STAB2: variants seen among roughly 807,000 people sequenced by gnomAD.
The protein encoded by STAB2 is stabilin-2.
In STAB2, 288 loss-of-function variants were observed where a neutral mutation model predicts 338.1. The observed-to-expected ratio is 0.85, with a 90% confidence interval of 0.77 to 0.94. STAB2 has a LOEUF of 0.94. STAB2 is among the 40% of genes least tolerant of loss of function. STAB2 has a pLI of 0.00. For missense variants in STAB2, 3,141 were observed against 3,210.1 expected, an observed-to-expected ratio of 0.98 and a Z score of 0.52; for synonymous variants, 1,202 against 1,193.3, an observed-to-expected ratio of 1.01 and a Z score of -0.15.
chr12:103,653,332 C>G (rs1037549820), intron 12 of STAB2, among the ~76,000 whole-genome samples: 3 of 152,120 alleles, frequency 2.0e-5, no homozygotes, highest in African/African-American at 7.2e-5. Flanking sequence ...TTGTTCTAAG[C>G]AAAGTATGGG....
intron 44 of STAB2, among the ~76,000 whole-genome samples, chr12:103,718,968 T>G (rs1225942359): frequency 2.6e-5 from 4 of 152,224 alleles, no homozygotes; most frequent in Admixed American, 2.6e-4. Context: ...TGTCTCCGTT[T>G]GCATGTCGAT....
intron 23 of STAB2, among the ~76,000 whole-genome samples, chr12:103,674,429 T>A (rs1876138193): frequency 1.3e-5 from 2 of 152,202 alleles, no homozygotes; most frequent in South Asian, 4.1e-4. Context: ...CAGAATCACC[T>A]AGCACCGGGG....
At chr12:103,750,786 A>C in intron 60 of STAB2, 66 bp downstream of exon 60, 1 of 1,518,966 alleles carries the variant, frequency 6.6e-7, no homozygotes, top group South Asian at 1.2e-5. Flanking sequence ...GGGACCCTCA[A>C]GGGAAAGAAG....
rs759885088 is a variant in STAB2 at position 103,695,809 on chromosome 12, G to A, written c.3547G>A (p.Glu1183Lys). Residue 1183 changes from glutamate (E) to lysine (K), a missense_variant, in exon 33 of 69, where the codon GAG becomes AAG. Glu to Lys is a moderately conservative substitution (Grantham distance 56, BLOSUM62 1). Coordinates refer to ENST00000388887, the MANE Select transcript of STAB2 (RefSeq NM_017564.10). ...GTTTGCTCCAAACAACAATGCCATCGAGAATTACATCAGGGAGAAGAAAGT... is the reference window on the plus strand; with the variant it reads ...GTTTGCTCCAAACAACAATGCCATCAAGAATTACATCAGGGAGAAGAAAGT... ...TVFAPNNNAI[E>K]NYIREKKVLS... The A allele has an allele frequency of 1.4e-5, 23 of 1,614,026 alleles. No homozygotes were observed. Among genetic ancestry groups the A allele is most frequent in the Non-Finnish European group, 1.8e-5 (21 of 1,180,030 alleles).
Position 103,684,973 on chromosome 12 carries a change from A to G in STAB2, c.2902-16A>G. 6.2e-7 allele frequency: 1 copy of G among 1,611,872 alleles called. No individual in the cohort carries two copies. The highest frequency in any genetic ancestry group is 8.5e-7 in the Non-Finnish European group (1 of 1,178,294). On this transcript the variant is annotated splice_polypyrimidine_tract_variant and intron_variant, in intron 26 of 68. Coordinates refer to ENST00000388887, the MANE Select transcript of STAB2 (RefSeq NM_017564.10). ...TTTTGTTGGGGTAACCATTTCTTTC[A>G]TCTTGGTTTTCTCAGGCAAGCTGTC...
Position 103,675,979 on chromosome 12 carries a change from G to C in STAB2, c.2604G>C (p.Met868Ile). The change falls in exon 24 of 69, where the codon ATG (methionine) becomes ATC (isoleucine). Residue 868 changes from methionine to isoleucine, a missense_variant. By Grantham distance (10) the Met-to-Ile change is conservative. Coordinates refer to ENST00000388887, the MANE Select transcript of STAB2 (RefSeq NM_017564.10). ...GAGATGGAACTCTGTGTTCTGAGAT[G>C]GACCCTTGCACAGGACTAACTCCAG... ...YEGDGTLCSE[M>I]DPCTGLTPGG... 1 of 1,613,438 alleles carries C rather than the reference G, an allele frequency of 6.2e-7. No individual in the cohort carries two copies. Among genetic ancestry groups the C allele is most frequent in the Non-Finnish European group, 8.5e-7 (1 of 1,179,730 alleles).
intron 33 of STAB2, among the ~76,000 whole-genome samples, 159 bp from the exon 34 acceptor site, chr12:103,698,937 C>T (rs959497081): frequency 9.2e-5 from 14 of 152,226 alleles, no homozygotes; most frequent in African/African-American, 2.7e-4. Context: ...TCACAACTCA[C>T]TTTCATATTG....
chr12:103,669,384 G>A (rs1371976009), intron 20 of STAB2, 157 bp from the exon 21 acceptor site: 2 of 637,200 alleles, frequency 3.1e-6, no homozygotes, highest in Non-Finnish European at 5.6e-6. Context: ...CCAGATGACT[G>A]AGCACTAGCC....
chr12:103,589,921 T>G (rs1956770281), intron 1 of STAB2, among the ~76,000 whole-genome samples: 2 of 152,222 alleles, frequency 1.3e-5, no homozygotes, highest in African/African-American at 2.4e-5. Flanking sequence ...CTCCTCTTTA[T>G]AGGTGATGGC....
chr12:103,695,844 A>G lies in STAB2; in HGVS notation c.3582A>G (p.Leu1194=). Residue 1194 remains leucine, a splice_region_variant and synonymous_variant, in exon 33 of 69, where the codon CTA becomes CTG. Transcript: ENST00000388887. ...TCAGGGAGAAGAAAGTCTTGTCTCT[A>G]GTAAGTGTCAAGAACTATAACTAGG... ...NYIREKKVLS[L]EEDVLRYHVV... The G allele has an allele frequency of 6.2e-7, 1 of 1,613,500 alleles. No homozygotes were observed. The highest frequency in any genetic ancestry group is 8.5e-7 in the Non-Finnish European group (1 of 1,179,408).
intron 64 of STAB2, 69 bp from the exon 65 acceptor site, chr12:103,759,064 C>T: frequency 1.2e-6 from 2 of 1,611,634 alleles, no homozygotes; most frequent in East Asian, 2.2e-5. Flanking sequence ...CTTCGTCATC[C>T]CCATCATTAA....
intron 26 of STAB2, among the ~76,000 whole-genome samples, chr12:103,684,052 T>C (rs1261086101): frequency 6.6e-6 from 1 of 152,202 alleles, no homozygotes; most frequent in Non-Finnish European, 1.5e-5. Flanking sequence ...CACCAGAATC[T>C]AAGCAGTTTC....
chr12:103,703,414 C>A, intron 35 of STAB2, 138 bp downstream of exon 35: 2 of 1,118,968 alleles, frequency 1.8e-6, no homozygotes, highest in Non-Finnish European at 2.5e-6. Flanking sequence ...CTTTGATGTG[C>A]CAAGGAGCAT....
intron 36 of STAB2, 109 bp from the exon 37 acceptor site, chr12:103,705,523 A>T: frequency 2.4e-6 from 2 of 846,862 alleles, no homozygotes; most frequent in Non-Finnish European, 1.9e-6. Context: ...TTCTCTTCCC[A>T]CAACACTTTA....
chr12:103,690,690 TATC>T (rs1877858809), intron 30 of STAB2, 152 bp downstream of exon 30: 7 of 627,224 alleles, frequency 1.1e-5, no homozygotes, highest in East Asian at 5.6e-5. Context: ...CTGCAATAAT[TATC>T]ATCATATATC....
intron 9 of STAB2, among the ~76,000 whole-genome samples, chr12:103,643,330 C>T (rs1873058817): frequency 6.6e-6 from 1 of 152,104 alleles, no homozygotes; most frequent in African/African-American, 2.4e-5. Context: ...CAGTCCATCG[C>T]ACTGTTCTTC....
chr12:103,755,258 C>T (rs1180165986), intron 61 of STAB2, 44 bp from the exon 62 acceptor site: 5 of 1,601,896 alleles, frequency 3.1e-6, no homozygotes, highest in Admixed American at 1.7e-5. Flanking sequence ...TGCCACAACA[C>T]ATGAACTTGC....
At position 103,739,429 on chromosome 12, in the gene STAB2, T is replaced by C; in HGVS notation, c.5715T>C (p.Cys1905=). Residue 1905 remains cysteine, a synonymous_variant, in exon 54 of 69, where the codon TGT becomes TGC. Transcript: ENST00000388887. ...CATACTAGGGGGAGTGTGGGAGCTG[T>C]GTCAATACTCCCAGCTGCCCAAGGT... ...TFDASGECGS[C]VNTPSCPRWS... The C allele has an allele frequency of 6.3e-7, 1 of 1,595,212 alleles. No individual in the cohort carries two copies.
rs767484391 is a variant in STAB2, at chr12:103,708,441, C to T, written c.4193C>T (p.Ala1398Val). 1 of 1,613,966 alleles carries T rather than the reference C, an allele frequency of 6.2e-7. No individual in the cohort carries two copies. The highest frequency in any genetic ancestry group is 1.1e-5 in the South Asian group (1 of 91,066). The change falls in exon 39 of 69, where the codon GCA becomes GTA. Residue 1398 changes from alanine (A) to valine (V), a missense_variant and splice_region_variant. By Grantham distance (64) the Ala-to-Val change is moderately conservative. Transcript: ENST00000388887. ...ATTTGCAGGTGATTTTCCCACTTAG[C>T]ATGTTCTTGTGTCCATGGGAGATGC... ...EGKYGIHCDQACSCVHGRCNQ... is the reference protein window; with the variant it reads ...EGKYGIHCDQVCSCVHGRCNQ...
Sources: allele counts gnomAD v4.1 joint callset (sites outside exome capture counted in the v4.1 genomes callset), GRCh38; gene constraint gnomAD v4.1.1; transcripts MANE v1.5; gene names NCBI Gene and HGNC (gene_info 2026-07-23, HGNC 2026-07-21).